Variants in TCEA1 observed in about 807,000 individuals in gnomAD.
TCEA1 encodes transcription elongation factor A protein 1.
A neutral mutation model predicts 43.8 loss-of-function variants in TCEA1; 21 were observed. The ratio of observed to expected loss-of-function variants is 0.48; its 90% CI spans 0.34 to 0.69. The LOEUF (loss-of-function observed/expected upper bound fraction) is 0.69. Ranked by LOEUF, TCEA1 falls within the 30% of genes least tolerant of loss-of-function variation. The pLI is 0.01. For missense variants in TCEA1, 250 were observed against 365.1 expected, an observed-to-expected ratio of 0.68 and a Z score of 2.57; for synonymous variants, 104 against 117.5, an observed-to-expected ratio of 0.88 and a Z score of 0.75.
chr8:54,006,094 C>T (rs990072620), intron 2 of TCEA1, among the ~76,000 whole-genome samples: 3 of 152,206 alleles, frequency 2.0e-5, no homozygotes, highest in Non-Finnish European at 4.4e-5. Flanking sequence ...ACCTACATAA[C>T]AGCATTCTGC....
At chr8:53,991,838 CT>C (rs1329345908) in intron 4 of TCEA1, among the ~76,000 whole-genome samples, 1 of 151,040 alleles carries the variant, frequency 6.6e-6, no homozygotes, top group African/African-American at 2.4e-5. Flanking sequence ...TTAAGCCTAC[CT>C]TTGACTTACC....
chr8:53,970,956 T>C (rs1803138843), intron 8 of TCEA1, among the ~76,000 whole-genome samples: 2 of 152,198 alleles, frequency 1.3e-5, no homozygotes, highest in South Asian at 4.1e-4. Context: ...ACCTAGAAAC[T>C]TGATATCTAA....
At chr8:53,993,048 G>A (rs1268412990) in intron 4 of TCEA1, among the ~76,000 whole-genome samples, 1 of 150,792 alleles carries the variant, frequency 6.6e-6, no homozygotes, top group Non-Finnish European at 1.5e-5. Flanking sequence ...TGCCTCCCGG[G>A]TTCCAGCAAT....
chr8:53,973,685 G>A, intron 8 of TCEA1: 1 of 551,672 alleles, frequency 1.8e-6, no homozygotes, highest in South Asian at 1.6e-5. Context: ...AGCAGCTCAT[G>A]AAAAAAAAGA....
intron 2 of TCEA1, among the ~76,000 whole-genome samples, chr8:54,003,932 C>T (rs984372286): frequency 1.3e-5 from 2 of 149,556 alleles, no homozygotes; most frequent in Non-Finnish European, 3.0e-5. Context: ...ACTATTACAA[C>T]TCGATTAAAA....
chr8:53,988,945 T>C (rs2129304090), intron 4 of TCEA1, among the ~76,000 whole-genome samples: 1 of 152,068 alleles, frequency 6.6e-6, no homozygotes, highest in Admixed American at 6.5e-5. Context: ...GGCACACGCC[T>C]GTAATCCCAG....
chr8:53,987,826 CAA>C (rs1491101453), intron 5 of TCEA1, among the ~76,000 whole-genome samples: 2 of 152,166 alleles, frequency 1.3e-5, no homozygotes, highest in Admixed American at 1.3e-4. Context: ...TGTGGGGAAA[CAA>C]AAGATTTGTG....
At chr8:53,999,579 T>C (rs941860958) in intron 3 of TCEA1, 4 of 200,596 alleles carry the variant, frequency 2.0e-5, no homozygotes, top group Admixed American at 5.9e-5. Context: ...ATATTAAAAA[T>C]TGATGATATG....
At chr8:53,974,403 T>C (rs142313778) in intron 8 of TCEA1, among the ~76,000 whole-genome samples, 63 of 152,162 alleles carry the variant, frequency 4.1e-4, no homozygotes, top group Non-Finnish European at 8.7e-4. Context: ...TATATTCCTA[T>C]AGATTAGTCA....
At chr8:53,973,142 T>C (rs1461468342) in intron 8 of TCEA1, 3 of 575,002 alleles carry the variant, frequency 5.2e-6, no homozygotes, top group Non-Finnish European at 9.8e-6. Context: ...ATGAAGTCAA[T>C]GTAGAAGAAG....
At chr8:54,010,311 C>T in intron 2 of TCEA1, 119 bp downstream of exon 2, 2 of 719,572 alleles carry the variant, frequency 2.8e-6, no homozygotes, top group Non-Finnish European at 4.5e-6. Flanking sequence ...AAAAAAATAG[C>T]AGTTAGTAAT....
chr8:54,000,127 T>C (rs1412291434), intron 2 of TCEA1, 77 bp from the exon 3 acceptor site: 2 of 876,708 alleles, frequency 2.3e-6, no homozygotes, highest in Non-Finnish European at 3.4e-6. Flanking sequence ...CATTCTTTTC[T>C]TTCCCAGATT....
At chr8:54,001,229 T>C (rs1217010871) in intron 2 of TCEA1, among the ~76,000 whole-genome samples, 2 of 152,102 alleles carry the variant, frequency 1.3e-5, no homozygotes, top group African/African-American at 4.8e-5. Context: ...ACAGACAATA[T>C]TTCAAACATA....
chr8:53,970,349 T>A, intron 9 of TCEA1, 43 bp downstream of exon 9: 2 of 1,317,990 alleles, frequency 1.5e-6, no homozygotes, highest in South Asian at 2.4e-5. Context: ...GAAATCTTTC[T>A]ATTTTAAGTG....
intron 6 of TCEA1, among the ~76,000 whole-genome samples, chr8:53,985,083 A>G (rs948995700): frequency 3.3e-5 from 5 of 152,036 alleles, no homozygotes; most frequent in Admixed American, 2.6e-4. Flanking sequence ...GCTGGACCTC[A>G]GCTCACTGCA....
At chr8:53,972,483 C>T (rs1046298875) in intron 8 of TCEA1, 26 of 523,058 alleles carry the variant, frequency 5.0e-5, no homozygotes, top group South Asian at 1.0e-4. Context: ...ACCTGCTCCT[C>T]GTGCTGATGA....
At chr8:53,992,990 T>C (rs1803929226) in intron 4 of TCEA1, among the ~76,000 whole-genome samples, 1 of 150,324 alleles carries the variant, frequency 6.7e-6, no homozygotes, top group Non-Finnish European at 1.5e-5. Flanking sequence ...TCTCACTCCA[T>C]TGCTCAGGCT....
intron 1 of TCEA1, among the ~76,000 whole-genome samples, chr8:54,010,880 G>A (rs1430493631): frequency 1.3e-5 from 2 of 150,858 alleles, no homozygotes; most frequent in South Asian, 2.1e-4. Context: ...GTGTGATCTC[G>A]GCTCACTGCA....
chr8:53,990,724 G>C (rs754137188), intron 4 of TCEA1, among the ~76,000 whole-genome samples: 1 of 152,146 alleles, frequency 6.6e-6, no homozygotes, highest in African/African-American at 2.4e-5. Context: ...GTAGCCAAAT[G>C]CTCCACAGGA....
Sources: gnomAD v4.1 joint callset for allele counts (sites outside exome capture counted in the v4.1 genomes callset) on GRCh38, gnomAD v4.1.1 for gene constraint, MANE v1.5 for transcripts, NCBI Gene and HGNC (gene_info 2026-07-23, HGNC 2026-07-21) for gene names.